Variants in AMZ1 observed in about 807,000 individuals in gnomAD.
AMZ1 encodes archaelysin family metallopeptidase 1.
Under a neutral mutation model 29.9 loss-of-function variants are expected in AMZ1, and 39 were observed. The observed-to-expected ratio is 1.30, with a 90% CI of 1.01 to 1.70. AMZ1 has a LOEUF of 1.70. Among genes scored for constraint, AMZ1 ranks in the 40% most tolerant of loss-of-function variants. The probability of loss-of-function intolerance (pLI) is 0.00; values close to 1 mark genes in which losing one functional copy is unlikely to be tolerated. For missense variants in AMZ1, 1,041 were observed against 680.6 expected, an observed-to-expected ratio of 1.53 and a Z score of -5.89; for synonymous variants, 458 against 304.0, an observed-to-expected ratio of 1.51 and a Z score of -5.27.
intron 1 of AMZ1, among the ~76,000 whole-genome samples, chr7:2,698,221 T>TA (rs112986877): frequency 8.2e-4 from 124 of 151,404 alleles, no homozygotes; most frequent in African/African-American, 2.0e-3. Flanking sequence ...ACCATTCTGT[T>TA]AAAAAAAACA....
rs188057362 is a variant in AMZ1 at position 2,694,703 on chromosome 7, C to T, written c.-218-5531C>T. Among the ~76,000 whole-genome samples the T allele has an allele frequency of 3.5e-3, 533 of 151,048 alleles. 5 individuals carry two copies. Among genetic ancestry groups the T allele is most frequent in the African/African-American group, 0.012 (495 of 41,246 alleles). Reference sequence around the variant, plus strand: ...TTATTTTTTTTTTGAGATGGAGTCTCGCTCTGTCACTCAGGCTGGAGTGCA... The same window carrying T: ...TTATTTTTTTTTTGAGATGGAGTCTTGCTCTGTCACTCAGGCTGGAGTGCA... On this transcript the variant is annotated intron_variant, in intron 1 of 6. Coordinates refer to ENST00000683327, the MANE Select transcript of AMZ1 (RefSeq NM_001384743.1).
intron 3 of AMZ1, 50 bp from the exon 4 acceptor site, chr7:2,708,538 G>A (rs759024641): frequency 1.9e-6 from 3 of 1,603,926 alleles, no homozygotes; most frequent in African/African-American, 1.4e-5. Flanking sequence ...CCTGGAAGAT[G>A]GGGGTCCCCG....
chr7:2,683,423 GT>G (rs1011637318), upstream of AMZ1, among the ~76,000 whole-genome samples: 30 of 151,312 alleles, frequency 2.0e-4, no homozygotes, highest in African/African-American at 7.1e-4. Context: ...CTGTTTTTTT[GT>G]TTGTTTGTTT....
At position 2,714,780 on chromosome 7, in the gene AMZ1, G is replaced by A. The variant is rs1394753449; in HGVS notation, c.*1902G>A. The A allele has an allele frequency of 2.0e-5, 3 of 152,260 alleles. No homozygotes were observed. Among genetic ancestry groups the A allele is most frequent in the African/African-American group, 7.2e-5 (3 of 41,432 alleles). The allele number at this position is 152,260 out of a possible 1,614,324, so 9.4% of individuals were successfully genotyped here. A position where few individuals can be genotyped will look rare whatever the true frequency, so the allele number is the denominator to read the frequency against. On this transcript the variant is annotated 3_prime_UTR_variant, in exon 7 of 7. Transcript: ENST00000683327. ...ATCTCAGGCCTTGGTTCCTGCCCACGTGAGACTCTCCATGGAGGAGGGGCA... is the reference window on the plus strand; with the variant it reads ...ATCTCAGGCCTTGGTTCCTGCCCACATGAGACTCTCCATGGAGGAGGGGCA...
At chr7:2,697,893 T>A (rs1787834699) in intron 1 of AMZ1, among the ~76,000 whole-genome samples, 1 of 152,192 alleles carries the variant, frequency 6.6e-6, no homozygotes, top group Non-Finnish European at 1.5e-5. Context: ...GGAAATTCAG[T>A]ACCAGCCCCT....
intron 4 of AMZ1, among the ~76,000 whole-genome samples, chr7:2,746,112 G>C (rs1054427622): frequency 6.6e-6 from 1 of 152,096 alleles, no homozygotes; most frequent in Non-Finnish European, 1.5e-5. Flanking sequence ...ACAGATCAAC[G>C]AGACAGAAAG....
intron 4 of AMZ1, among the ~76,000 whole-genome samples, chr7:2,727,301 C>T (rs6461550): frequency 0.46 from 70,639 of 151,930 alleles, 17,193 homozygotes; most frequent in African/African-American, 0.6. Flanking sequence ...AGGATGGTCT[C>T]GATCTCTTGA....
rs139558727 is a variant in AMZ1, at chr7:2,698,429, T to C, written c.-218-1805T>C. ...CGGGGGCACCTGTAATCCCAGCCAC[T>C]TGGGAGGCTGGGGCAGCAGAATTGC... On this transcript the variant is annotated intron_variant, in intron 1 of 6. Coordinates refer to ENST00000683327, the MANE Select transcript of AMZ1 (RefSeq NM_001384743.1). Among the ~76,000 whole-genome samples the C allele has an allele frequency of 9.4e-3, 1,427 of 151,900 alleles. 8 individuals carry two copies. Among genetic ancestry groups the C allele is most frequent in the South Asian group, 0.015 (70 of 4,794 alleles).
chr7:2,735,735 C>T (rs1447754006), intron 4 of AMZ1, among the ~76,000 whole-genome samples: 2 of 152,168 alleles, frequency 1.3e-5, no homozygotes, highest in African/African-American at 2.4e-5. Flanking sequence ...CTGTGACTCT[C>T]GGTCATCTTG....
intron 4 of AMZ1, among the ~76,000 whole-genome samples, chr7:2,752,039 T>C (rs1232440670): frequency 6.6e-6 from 1 of 152,008 alleles, no homozygotes; most frequent in Non-Finnish European, 1.5e-5. Flanking sequence ...CCGACAAGAT[T>C]ATCAAAAAAG....
intron 4 of AMZ1, among the ~76,000 whole-genome samples, chr7:2,724,723 T>C (rs1324558929): frequency 6.6e-6 from 1 of 152,172 alleles, no homozygotes; most frequent in Non-Finnish European, 1.5e-5. Context: ...CACCTAAGTT[T>C]TGGGTGGAGC....
At chr7:2,684,917 T>G (rs1303011422), upstream of AMZ1, among the ~76,000 whole-genome samples, 3 of 149,348 alleles carry the variant, frequency 2.0e-5, no homozygotes, top group Non-Finnish European at 3.0e-5. Flanking sequence ...TCGCCCAGGC[T>G]GGAGTGCAGT....
chr7:2,685,109 T>G (rs1225888467), upstream of AMZ1, among the ~76,000 whole-genome samples: 1 of 151,530 alleles, frequency 6.6e-6, no homozygotes, highest in Non-Finnish European at 1.5e-5. Flanking sequence ...GACCTCGTGA[T>G]CCGCCCGCCT....
downstream of AMZ1, among the ~76,000 whole-genome samples, chr7:2,721,332 G>T (rs1367149475): frequency 6.6e-6 from 1 of 152,226 alleles, no homozygotes; most frequent in South Asian, 2.1e-4. Context: ...TCTGCTTCGG[G>T]AAAGGTGCTT....
Position 2,731,309 on chromosome 7 carries a change from G to A in AMZ1, n.550+21493G>A, listed in dbSNP as rs766851973. 2 of 1,613,834 alleles carry A rather than the reference G, an allele frequency of 1.2e-6. No homozygotes were observed. The highest frequency in any genetic ancestry group is 2.2e-5 in the East Asian group (1 of 44,866). On this transcript the variant is annotated intron_variant and non_coding_transcript_variant, in intron 4 of 4. Transcript: ENST00000489665. The surrounding 1 kb of genome is among the most constrained non-coding windows in gnomAD (Gnocchi z 6.0). ...TGGAAGAGTGGCTTGCTGCGGTTCC[G>A]TCTCTTCCTGTCGAAGCACTGGACC... is the stretch of plus-strand genomic sequence containing the variant.
upstream of AMZ1, chr7:2,762,913 C>T (rs1281824947): frequency 2.8e-6 from 4 of 1,416,150 alleles, no homozygotes; most frequent in Admixed American, 9.3e-5. Context: ...GGAGAAGAGG[C>T]CACAGGCGGG....
chr7:2,718,722 T>A lies in AMZ1; in HGVS notation c.*5844T>A, dbSNP rs1458915847. On this transcript the variant is annotated 3_prime_UTR_variant, in exon 7 of 7. Coordinates refer to ENST00000683327, the MANE Select transcript of AMZ1 (RefSeq NM_001384743.1). ...CTGTCCCTTCTAACAGGACAGGGCT[T>A]GTGCAGCCGGGCTTGGTCTTGTGGT... is the stretch of plus-strand genomic sequence containing the variant. Among the ~76,000 whole-genome samples, 1 of 152,190 alleles carries A rather than the reference T, an allele frequency of 6.6e-6. No individual in the cohort carries two copies. Among genetic ancestry groups the A allele is most frequent in the Non-Finnish European group, 1.5e-5 (1 of 68,028 alleles).
At position 2,717,525 on chromosome 7, in the gene AMZ1, C is replaced by T. The variant is rs1411365432; in HGVS notation, c.*4647C>T. On this transcript the variant is annotated 3_prime_UTR_variant, in exon 7 of 7. Coordinates refer to ENST00000683327, the MANE Select transcript of AMZ1 (RefSeq NM_001384743.1). ...TCCAGAGCTGAAATCTAGCTGTGAT[C>T]CCTGTGGGGCAACTGCACACAGAGG... is the stretch of plus-strand genomic sequence containing the variant. 6.6e-6 allele frequency among the ~76,000 whole-genome samples: 1 copy of T among 152,220 alleles called. No homozygotes were observed.
intron 4 of AMZ1, 69 bp downstream of exon 4, chr7:2,708,785 A>C: frequency 1.2e-6 from 2 of 1,603,816 alleles, no homozygotes; most frequent in South Asian, 1.1e-5. Context: ...CCGTGGCTGC[A>C]GGGCACCCTC....
Sources: gnomAD v4.1 joint callset for allele counts (sites outside exome capture counted in the v4.1 genomes callset) on GRCh38, gnomAD v4.1.1 for gene constraint, Gnocchi (gnomAD v3.1) non-coding constraint, MANE v1.5 for transcripts, NCBI Gene and HGNC (gene_info 2026-07-23, HGNC 2026-07-21) for gene names.